The following RPL39L variants were observed in gnomAD, a reference collection of about 807,000 sequenced individuals.
The protein encoded by RPL39L is ribosomal protein eL39-like 2.
For missense variants in RPL39L, 48 were observed against 58.9 expected, an observed-to-expected ratio of 0.81 and a Z score of 0.61; for synonymous variants, 16 against 20.1, an observed-to-expected ratio of 0.80 and a Z score of 0.55.
intron 2 of RPL39L, among the ~76,000 whole-genome samples, chr3:187,124,397 G>A (rs575311880): frequency 6.6e-6 from 1 of 152,214 alleles, no homozygotes; most frequent in South Asian, 2.1e-4. Context: ...TAAATGGAAG[G>A]CCTGCTGCAG....
At chr3:187,139,007 G>A (rs1203900396) in intron 1 of RPL39L, among the ~76,000 whole-genome samples, 1 of 151,760 alleles carries the variant, frequency 6.6e-6, no homozygotes, top group East Asian at 1.9e-4. Flanking sequence ...GCAGTGAGCC[G>A]AGATCACACC....
intron 1 of RPL39L, among the ~76,000 whole-genome samples, chr3:187,134,404 C>A (rs76251828): frequency 6.8e-6 from 1 of 147,894 alleles, no homozygotes; most frequent in Non-Finnish European, 1.5e-5. Flanking sequence ...CATCCTATAA[C>A]GTACAGGTGA....
At chr3:187,131,334 C>T (rs1366438120) in intron 1 of RPL39L, among the ~76,000 whole-genome samples, 2 of 152,072 alleles carry the variant, frequency 1.3e-5, no homozygotes, top group African/African-American at 4.8e-5. Context: ...GTCAGGAGTT[C>T]AAGACCAGCC....
chr3:187,133,681 G>A (rs891190086), intron 1 of RPL39L, among the ~76,000 whole-genome samples: 1 of 152,096 alleles, frequency 6.6e-6, no homozygotes, highest in Non-Finnish European at 1.5e-5. Flanking sequence ...CAGGGTGAAA[G>A]GCAAAAGCAT....
chr3:187,132,584 C>A lies in RPL39L; in HGVS notation c.-92-4522G>T, dbSNP rs923767632. 2.0e-5 allele frequency among the ~76,000 whole-genome samples: 3 copies of A among 152,312 alleles called. No individual in the cohort carries two copies. In the South Asian group the frequency reaches 6.2e-4, roughly 32 times the overall value. On this transcript the variant is annotated intron_variant, in intron 1 of 2. Coordinates refer to ENST00000296277, the MANE Select transcript of RPL39L (RefSeq NM_052969.3). ...AGAACTTCCCTGCTTTAGTAAGAAA[C>A]AGATGTTTCCCCCCGTATGGTTTAT...
At chr3:187,139,089 A>C (rs1032178929) in intron 1 of RPL39L, 124 bp downstream of exon 1, 1 of 158,312 alleles carries the variant, frequency 6.3e-6, no homozygotes, top group African/African-American at 2.4e-5. Context: ...ACAAACAAAA[A>C]CGCTACTACT....
chr3:187,132,913 GGAAA>G (rs144671249), intron 1 of RPL39L, among the ~76,000 whole-genome samples: 2,733 of 152,256 alleles, frequency 0.018, 91 homozygotes, highest in African/African-American at 0.063. Context: ...TGAAATCCAA[GGAAA>G]GACTGACCTG....
intron 2 of RPL39L, 120 bp downstream of exon 2, chr3:187,127,879 C>T (rs1338581100): frequency 6.6e-6 from 1 of 152,036 alleles, no homozygotes; most frequent in Non-Finnish European, 1.5e-5. Context: ...AGCCTTCATC[C>T]CTAATTTAAA....
intron 1 of RPL39L, among the ~76,000 whole-genome samples, chr3:187,132,339 G>T (rs778172471): frequency 6.6e-6 from 1 of 152,038 alleles, no homozygotes; most frequent in Non-Finnish European, 1.5e-5. Flanking sequence ...TTTGAAAAAA[G>T]TTTTGCTCAA....
At chr3:187,122,689 C>A (rs1409250038) in intron 2 of RPL39L, among the ~76,000 whole-genome samples, 3 of 152,156 alleles carry the variant, frequency 2.0e-5, no homozygotes, top group African/African-American at 7.2e-5. Context: ...TTTGATTACA[C>A]CTTATTGGCA....
At chr3:187,129,204 G>A (rs892514696) in intron 1 of RPL39L, among the ~76,000 whole-genome samples, 1 of 152,180 alleles carries the variant, frequency 6.6e-6, no homozygotes, top group Non-Finnish European at 1.5e-5. Context: ...ATATAGCTCA[G>A]GATAAAAGAG....
chr3:187,135,214 G>A (rs891718321), intron 1 of RPL39L, among the ~76,000 whole-genome samples: 1 of 152,170 alleles, frequency 6.6e-6, no homozygotes. Context: ...AAATACTGTG[G>A]CTCCTGAGGC....
intron 1 of RPL39L, among the ~76,000 whole-genome samples, chr3:187,136,530 T>C (rs1720583390): frequency 6.6e-6 from 1 of 152,232 alleles, no homozygotes; most frequent in Non-Finnish European, 1.5e-5. Context: ...TGTGGTTCTT[T>C]AACTGCCAAG....
rs774133942 is a variant in RPL39L at position 187,121,137 on chromosome 3, G to A, written c.*8C>T. 1 of 1,612,986 alleles carries A rather than the reference G, an allele frequency of 6.2e-7. No individual in the cohort carries two copies. The highest frequency in any genetic ancestry group is 1.3e-5 in the African/African-American group (1 of 75,004). On this transcript the variant is annotated 3_prime_UTR_variant, in exon 3 of 3. Coordinates refer to ENST00000296277, the MANE Select transcript of RPL39L (RefSeq NM_052969.3). ...CATAAATATGTGTGCCATCTCATGT[G>A]CAATTCCTTATAGACCCAGCTTGGT...
chr3:187,130,811 C>T (rs1720473009), intron 1 of RPL39L, among the ~76,000 whole-genome samples: 1 of 152,170 alleles, frequency 6.6e-6, no homozygotes, highest in Non-Finnish European at 1.5e-5. Flanking sequence ...AATTTTGAAA[C>T]TGAAAGTACT....
At chr3:187,136,571 G>GA (rs1463882878) in intron 1 of RPL39L, among the ~76,000 whole-genome samples, 2 of 152,000 alleles carry the variant, frequency 1.3e-5, no homozygotes, top group Middle Eastern at 6.3e-3. Flanking sequence ...TAGTAAGGTT[G>GA]TTTGATATGG....
At chr3:187,135,130 C>G (rs973919537) in intron 1 of RPL39L, among the ~76,000 whole-genome samples, 2 of 152,178 alleles carry the variant, frequency 1.3e-5, no homozygotes, top group African/African-American at 4.8e-5. Flanking sequence ...ATCCTCCCAC[C>G]CTGATGGGGC....
intron 1 of RPL39L, among the ~76,000 whole-genome samples, chr3:187,129,524 TA>T (rs1284148175): frequency 6.6e-6 from 1 of 152,238 alleles, no homozygotes; most frequent in Non-Finnish European, 1.5e-5. Flanking sequence ...CTTAAGCACA[TA>T]ATTCGTTCTA....
rs570575873 is a variant in RPL39L at position 187,135,786 on chromosome 3, A to C, written c.-93+3427T>G. Among the ~76,000 whole-genome samples, 8 of 152,320 alleles carry C rather than the reference A, an allele frequency of 5.3e-5. No homozygotes were observed. In the South Asian group the frequency reaches 1.7e-3, roughly 32 times the overall value. On this transcript the variant is annotated intron_variant, in intron 1 of 2. Transcript: ENST00000296277. ...ACCTGAGGCTGGGCAACTTATAACG[A>C]GTTTTATTTGGCTTATGGTTTTGCA... is the stretch of plus-strand genomic sequence containing the variant.
Sources: allele counts gnomAD v4.1 joint callset (sites outside exome capture counted in the v4.1 genomes callset), GRCh38; gene constraint gnomAD v4.1.1; transcripts MANE v1.5; gene names NCBI Gene and HGNC (gene_info 2026-07-23, HGNC 2026-07-21).